The following CSMD1 variants were observed in gnomAD, a reference collection of about 807,000 sequenced individuals.
CSMD1 encodes CUB and Sushi multiple domains 1.
In CSMD1, 213 loss-of-function variants were observed where a neutral mutation model predicts 417.5. That is an observed-to-expected ratio of 0.51 (90% CI 0.46 to 0.57). CSMD1 has a LOEUF of 0.57. Among genes scored for constraint, CSMD1 ranks in the 20% least tolerant of loss-of-function variants. The pLI is 0.00. For synonymous variants in CSMD1, 2,862 were observed against 1,736.8 expected, an observed-to-expected ratio of 1.65 and a Z score of -16.11; for missense variants, 6,923 against 4,529.7, an observed-to-expected ratio of 1.53 and a Z score of -15.17.
chr8:4,019,128 G>C (rs572326105), intron 4 of CSMD1, among the ~76,000 whole-genome samples: 7 of 152,122 alleles, frequency 4.6e-5, no homozygotes, highest in African/African-American at 1.4e-4. Flanking sequence ...CTAGGCCATG[G>C]TATCGTAAGA....
At chr8:4,966,643 G>A (rs1379790520) in intron 1 of CSMD1, among the ~76,000 whole-genome samples, 1 of 152,086 alleles carries the variant, frequency 6.6e-6, no homozygotes, top group African/African-American at 2.4e-5. Context: ...AAACACAGAA[G>A]GATGGTGATG....
At chr8:3,219,233 C>G (rs1798063263) in intron 29 of CSMD1, 22 bp downstream of exon 29, 2 of 1,564,312 alleles carry the variant, frequency 1.3e-6, no homozygotes, top group Non-Finnish European at 1.7e-6. Flanking sequence ...AATTCCCACT[C>G]AAATTCAGGC....
intron 5 of CSMD1, among the ~76,000 whole-genome samples, chr8:3,879,488 C>T (rs2129119419): frequency 6.6e-6 from 1 of 152,246 alleles, no homozygotes; most frequent in South Asian, 2.1e-4. Context: ...AGAAATGGGA[C>T]AGAGACCAAG....
chr8:4,114,708 G>T (rs10106149), intron 3 of CSMD1, among the ~76,000 whole-genome samples: 2 of 152,124 alleles, frequency 1.3e-5, no homozygotes, highest in East Asian at 1.9e-4. Flanking sequence ...ATTTCAAAAT[G>T]AATAGGAGTT....
At chr8:3,306,461 C>G (rs1804855453) in intron 25 of CSMD1, among the ~76,000 whole-genome samples, 1 of 152,150 alleles carries the variant, frequency 6.6e-6, no homozygotes, top group Non-Finnish European at 1.5e-5. Flanking sequence ...CCACTGTGCC[C>G]AGCCTGACTT....
chr8:3,113,884 G>A (rs774732541), intron 42 of CSMD1, among the ~76,000 whole-genome samples: 1 of 152,136 alleles, frequency 6.6e-6, no homozygotes, highest in Non-Finnish European at 1.5e-5. Context: ...TTTCTGTGAA[G>A]AGAGATGGAT....
chr8:4,229,979 A>G (rs748912030), intron 3 of CSMD1, among the ~76,000 whole-genome samples: 37 of 152,340 alleles, frequency 2.4e-4, no homozygotes, highest in Non-Finnish European at 4.7e-4. Context: ...AGCCGACATT[A>G]TAACACTTAA....
At chr8:4,142,853 T>C (rs1198039630) in intron 3 of CSMD1, among the ~76,000 whole-genome samples, 1 of 151,212 alleles carries the variant, frequency 6.6e-6, no homozygotes, top group Non-Finnish European at 1.5e-5. Flanking sequence ...TTGTGCTGTT[T>C]CTAATATCAT....
chr8:4,443,282 A>C (rs911013896), intron 2 of CSMD1, among the ~76,000 whole-genome samples: 2 of 152,192 alleles, frequency 1.3e-5, no homozygotes, highest in African/African-American at 4.8e-5. Flanking sequence ...TCTTCGCCTA[A>C]GTTTTGTATT....
At chr8:3,402,648 A>G (rs1019721491) in intron 15 of CSMD1, among the ~76,000 whole-genome samples, 18 of 152,202 alleles carry the variant, frequency 1.2e-4, no homozygotes, top group Non-Finnish European at 2.5e-4. Context: ...GTAAAGTTAT[A>G]TTATTTTTAT....
chr8:3,255,244 G>A (rs925959685), intron 26 of CSMD1, among the ~76,000 whole-genome samples: 1 of 152,076 alleles, frequency 6.6e-6, no homozygotes, highest in Non-Finnish European at 1.5e-5. Context: ...TTTCTCAGGG[G>A]TGTACCCAGC....
chr8:4,834,115 T>C (rs1215145540), intron 1 of CSMD1, among the ~76,000 whole-genome samples: 2 of 152,252 alleles, frequency 1.3e-5, no homozygotes, highest in Admixed American at 6.5e-5. Context: ...TTGTTTCTTG[T>C]TACATAATTG....
chr8:4,875,176 G>C (rs1484705603), intron 1 of CSMD1, among the ~76,000 whole-genome samples: 2 of 151,724 alleles, frequency 1.3e-5, no homozygotes, highest in African/African-American at 4.9e-5. Flanking sequence ...TGAAAGATTC[G>C]TGTCTCTTTC....
At chr8:4,321,041 T>C (rs1272911808) in intron 3 of CSMD1, among the ~76,000 whole-genome samples, 1 of 152,202 alleles carries the variant, frequency 6.6e-6, no homozygotes, top group Non-Finnish European at 1.5e-5. Context: ...TATTTTCACA[T>C]TTTGTTTTAC....
chr8:3,291,812 G>C (rs547109123), intron 25 of CSMD1, among the ~76,000 whole-genome samples: 7 of 152,018 alleles, frequency 4.6e-5, no homozygotes, highest in African/African-American at 1.2e-4. Context: ...AGGGTTTTTT[G>C]CGTCTCTATT....
chr8:3,846,253 A>G (rs749650688), intron 5 of CSMD1, among the ~76,000 whole-genome samples: 1 of 152,160 alleles, frequency 6.6e-6, no homozygotes, highest in Non-Finnish European at 1.5e-5. Flanking sequence ...ACAATGCACC[A>G]CGCTATGGCA....
intron 6 of CSMD1, among the ~76,000 whole-genome samples, chr8:3,747,318 G>A (rs1797109819): frequency 6.6e-6 from 1 of 152,112 alleles, no homozygotes; most frequent in South Asian, 2.1e-4. Context: ...GGCCCCATTT[G>A]CAAGCAAATT....
intron 47 of CSMD1, among the ~76,000 whole-genome samples, chr8:3,095,581 T>C (rs1221206677): frequency 1.3e-5 from 2 of 152,142 alleles, no homozygotes; most frequent in Non-Finnish European, 2.9e-5. Flanking sequence ...GTGATGTCTA[T>C]CCATACAAGC....
chr8:3,257,841 A>C (rs1800774517), intron 26 of CSMD1, among the ~76,000 whole-genome samples: 2 of 152,246 alleles, frequency 1.3e-5, no homozygotes, highest in South Asian at 4.2e-4. Flanking sequence ...GGCAGCTGCA[A>C]GGGACTTGGG....
Sources: gnomAD v4.1 joint callset for allele counts (sites outside exome capture counted in the v4.1 genomes callset) on GRCh38, gnomAD v4.1.1 for gene constraint, MANE v1.5 for transcripts, NCBI Gene and HGNC (gene_info 2026-07-23, HGNC 2026-07-21) for gene names.